Variants in VRK3 observed in about 807,000 individuals in gnomAD.
The protein encoded by VRK3 is serine/threonine-protein kinase VRK3.
A neutral mutation model predicts 60.4 loss-of-function variants in VRK3; 50 were observed. That is an observed-to-expected ratio of 0.83 (90% CI 0.66 to 1.05). VRK3 has a LOEUF of 1.05. Ranked by LOEUF, VRK3 falls within the 50% of genes least tolerant of loss-of-function variation. The pLI is 0.00. For missense variants in VRK3, 549 were observed against 585.3 expected, an observed-to-expected ratio of 0.94 and a Z score of 0.64; for synonymous variants, 246 against 227.8, an observed-to-expected ratio of 1.08 and a Z score of -0.72.
chr19:50,010,956 G>C (rs2076985749), intron 3 of VRK3, among the ~76,000 whole-genome samples: 1 of 151,936 alleles, frequency 6.6e-6, no homozygotes, highest in Non-Finnish European at 1.5e-5. Context: ...AAACAAAAAA[G>C]GGAATTCTCA....
chr19:50,008,709 G>C (rs751348362), intron 4 of VRK3: 3 of 152,886 alleles, frequency 2.0e-5, no homozygotes, highest in African/African-American at 4.9e-5. Context: ...CAGCAGGCAC[G>C]GGGGGGCGCC....
Position 50,012,949 on chromosome 19 carries a change from T to C in VRK3, c.139+3075A>G, listed in dbSNP as rs529484482. On this transcript the variant is annotated intron_variant, in intron 3 of 14. Coordinates refer to ENST00000316763, the MANE Select transcript of VRK3 (RefSeq NM_016440.4). ...TTGGGAGGCCGAGGCGGGTGGATCA[T>C]GAGGTCAGGAGATCGAGACCATCCT... Among the ~76,000 whole-genome samples, 563 of 151,592 alleles carry C rather than the reference T, an allele frequency of 3.7e-3. 4 individuals carry two copies. Among genetic ancestry groups the C allele is most frequent in the Non-Finnish European group, 6.5e-3 (441 of 67,876 alleles).
At chr19:49,982,414 A>T (rs1024759745) in intron 12 of VRK3, among the ~76,000 whole-genome samples, 1 of 152,212 alleles carries the variant, frequency 6.6e-6, no homozygotes, top group Non-Finnish European at 1.5e-5. Flanking sequence ...AAGTGCTGGG[A>T]TTACAGATGT....
At position 49,988,507 on chromosome 19, in the gene VRK3, G is replaced by A. The variant is rs199507501; in HGVS notation, c.1097-15C>T. On this transcript the variant is annotated splice_polypyrimidine_tract_variant and intron_variant, in intron 11 of 14. Transcript: ENST00000316763. ...GCGGGAGGGCCCTGGGGAAGGAGGA[G>A]TAAAGGTGGCAGCTCAAGTCTGGAC... is the stretch of plus-strand genomic sequence containing the variant. 1.9e-6 allele frequency: 3 copies of A among 1,610,994 alleles called. No individual in the cohort carries two copies. The highest frequency in any genetic ancestry group is 1.3e-5 in the African/African-American group (1 of 74,958).
At chr19:49,985,766 G>C (rs2076503898) in intron 12 of VRK3, among the ~76,000 whole-genome samples, 1 of 152,178 alleles carries the variant, frequency 6.6e-6, no homozygotes, top group African/African-American at 2.4e-5. Context: ...CATGGCAAGG[G>C]TTCAGTATTT....
chr19:49,995,291 G>T lies in VRK3; in HGVS notation c.680-16C>A, dbSNP rs1309649713. ...CACTTGTTGACTGCGGAAAGCAGGG[G>T]CTTGAGGTTAGAACCCACCCAGTCC... On this transcript the variant is annotated splice_polypyrimidine_tract_variant and intron_variant, in intron 7 of 14. Transcript: ENST00000316763. The T allele has an allele frequency of 3.1e-6, 5 of 1,613,620 alleles. No individual in the cohort carries two copies. Among genetic ancestry groups the T allele is most frequent in the African/African-American group, 1.3e-5 (1 of 75,050 alleles).
At chr19:49,988,251 C>G in intron 12 of VRK3, 121 bp downstream of exon 12, 1 of 1,453,414 alleles carries the variant, frequency 6.9e-7, no homozygotes, top group Non-Finnish European at 9.2e-7. Flanking sequence ...GCTCAGAGGA[C>G]TTGGGCTCTG....
At chr19:49,997,237 A>T (rs2076722056) in intron 7 of VRK3, 1 of 320,560 alleles carries the variant, frequency 3.1e-6, no homozygotes, top group African/African-American at 2.1e-5. Context: ...TGCCCACCTC[A>T]GCCTCCCAAA....
At chr19:50,003,513 G>C (rs566576819) in intron 5 of VRK3, among the ~76,000 whole-genome samples, 4 of 152,342 alleles carry the variant, frequency 2.6e-5, no homozygotes, top group East Asian at 3.9e-4. Context: ...ACTGATGACG[G>C]ATGGTGGTTC....
intron 2 of VRK3, among the ~76,000 whole-genome samples, chr19:50,017,479 C>T (rs2077096896): frequency 6.9e-6 from 1 of 144,052 alleles, no homozygotes; most frequent in Non-Finnish European, 1.5e-5. Context: ...GAGGCTGAGG[C>T]AGGAGAATCA....
In VRK3 at chr19:49,989,765, A is replaced by G. The variant is rs554311531; in HGVS notation, c.970T>C (p.Leu324=). The G allele has an allele frequency of 6.2e-7, 1 of 1,611,710 alleles. No homozygotes were observed. Among genetic ancestry groups the G allele is most frequent in the South Asian group, 1.1e-5 (1 of 90,636 alleles). The part of the protein sequence containing the change: ...VDPEDQSQVT[L]AGYGFAFRYC... ...CGGAAGGCGAAGCCATAGCCTGCCA[A>G]AGTCACCTGTGGACACAGGGAAAAG... The change falls in exon 11 of 15, where the codon TTG becomes CTG. Residue 324 remains leucine (L), a synonymous_variant. Coordinates refer to ENST00000316763, the MANE Select transcript of VRK3 (RefSeq NM_016440.4).
intron 14 of VRK3, among the ~76,000 whole-genome samples, chr19:49,978,385 A>G (rs1320356406): frequency 6.6e-6 from 1 of 152,228 alleles, no homozygotes; most frequent in Non-Finnish European, 1.5e-5. Flanking sequence ...TTTACTGTGT[A>G]GTCTGTCTTT....
At chr19:49,991,211 T>C (rs2076605820) in intron 10 of VRK3, among the ~76,000 whole-genome samples, 3 of 152,184 alleles carry the variant, frequency 2.0e-5, no homozygotes, top group Admixed American at 2.0e-4. Context: ...TTGGGGTTTG[T>C]AGACTGAGCA....
Position 49,989,543 on chromosome 19 carries a change from G to A in VRK3, c.1096+96C>T, listed in dbSNP as rs2076573929. 2.0e-6 allele frequency: 3 copies of A among 1,467,126 alleles called. No homozygotes were observed. The South Asian group carries it at 4.4e-5, about 21-fold the overall frequency. 90.9% of individuals were successfully genotyped at this position (1,467,126 alleles called of 1,614,324 possible). A position where few individuals can be genotyped will look rare whatever the true frequency, so the allele number is the denominator to read the frequency against. On this transcript the variant is annotated intron_variant, in intron 11 of 14. Transcript: ENST00000316763. Reference sequence around the variant, plus strand: ...TCCTGGCGCCCTTAGTGCCTCTCCTGTCTGGCCACCTGCTGTCTCTGGCTG... The same window carrying A: ...TCCTGGCGCCCTTAGTGCCTCTCCTATCTGGCCACCTGCTGTCTCTGGCTG...
chr19:49,992,213 G>C (rs1323534855), intron 10 of VRK3, among the ~76,000 whole-genome samples: 2 of 152,180 alleles, frequency 1.3e-5, no homozygotes, highest in African/African-American at 2.4e-5. Flanking sequence ...TTCGAGGCCA[G>C]CCTGACCAAC....
chr19:50,002,487 T>C (rs536810969), intron 5 of VRK3, among the ~76,000 whole-genome samples: 1 of 152,158 alleles, frequency 6.6e-6, no homozygotes, highest in South Asian at 2.1e-4. Context: ...AACCCAGGCA[T>C]AGTAACAGTG....
At position 49,992,966 on chromosome 19, in the gene VRK3, C is replaced by T. The variant is rs757898044; in HGVS notation, c.871-14G>A. ...CAGGGCATCCAGCTGGGGGAAGAAG[C>T]AAGTCAGTGTCTGCATGAGCAGTAC... On this transcript the variant is annotated splice_polypyrimidine_tract_variant and intron_variant, in intron 9 of 14. Coordinates refer to ENST00000316763, the MANE Select transcript of VRK3 (RefSeq NM_016440.4). 45 of 1,608,210 alleles carry T rather than the reference C, an allele frequency of 2.8e-5. No homozygotes were observed. Among genetic ancestry groups the T allele is most frequent in the Non-Finnish European group, 3.6e-5 (42 of 1,179,024 alleles).
intron 12 of VRK3, chr19:49,982,060 C>A (rs569566733): frequency 1.4e-6 from 1 of 694,944 alleles, no homozygotes; most frequent in South Asian, 1.5e-5. Context: ...GGCTGCATAA[C>A]GGAGATATCT....
At chr19:49,984,568 A>G (rs1043153887) in intron 12 of VRK3, among the ~76,000 whole-genome samples, 3 of 152,182 alleles carry the variant, frequency 2.0e-5, no homozygotes, top group Non-Finnish European at 4.4e-5. Context: ...CTCTGTGTCC[A>G]CACTGAAGCC....
Sources: gnomAD v4.1 joint callset for allele counts (sites outside exome capture counted in the v4.1 genomes callset) on GRCh38, gnomAD v4.1.1 for gene constraint, MANE v1.5 for transcripts, NCBI Gene and HGNC (gene_info 2026-07-23, HGNC 2026-07-21) for gene names.